Variants in LDAH observed in about 807,000 individuals in gnomAD.
The protein encoded by LDAH is lipid droplet associated hydrolase.
A neutral mutation model predicts 29.6 loss-of-function variants in LDAH; 26 were observed. The ratio of observed to expected loss-of-function variants is 0.88; its 90% CI spans 0.64 to 1.22. The LOEUF is 1.22. Ranked by LOEUF, LDAH falls within the 50% of genes most tolerant of loss-of-function variation. The pLI is 0.00. For missense variants in LDAH, 344 were observed against 387.3 expected (o/e 0.89, Z 0.94); for synonymous variants, 117 against 133.0 (o/e 0.88, Z 0.83).
intron 4 of LDAH, among the ~76,000 whole-genome samples, chr2:20,765,552 T>G (rs770557817): frequency 1.3e-5 from 2 of 152,228 alleles, no homozygotes; most frequent in Non-Finnish European, 2.9e-5. Context: ...TTTTGCTTTC[T>G]CACAATTCTG....
chr2:20,712,951 T>C (rs1480296971), intron 5 of LDAH, among the ~76,000 whole-genome samples: 1 of 152,170 alleles, frequency 6.6e-6, no homozygotes, highest in African/African-American at 2.4e-5. Flanking sequence ...TGAAACCAAG[T>C]TGGAAAACAG....
Position 20,690,368 on chromosome 2 carries a change from G to A in LDAH, c.787-3274C>T, listed in dbSNP as rs146441122. On this transcript the variant is annotated intron_variant, in intron 6 of 6. Coordinates refer to ENST00000237822, the MANE Select transcript of LDAH (RefSeq NM_021925.4). Reference sequence around the variant, plus strand: ...GTATGCTTATCTGATTTTATTTCTCGATTCTCTACAATCCTTAAACGTTTG... The same window carrying A: ...GTATGCTTATCTGATTTTATTTCTCAATTCTCTACAATCCTTAAACGTTTG... Among the ~76,000 whole-genome samples, 398 of 152,306 alleles carry A rather than the reference G, an allele frequency of 2.6e-3. 1 individual carries two copies. The highest frequency in any genetic ancestry group is 9.1e-3 in the African/African-American group (377 of 41,570).
At position 20,816,611 on chromosome 2, in the gene LDAH, C is replaced by T. The variant is rs560524849; in HGVS notation, c.-3+6426G>A. On this transcript the variant is annotated intron_variant, in intron 1 of 6. Transcript: ENST00000237822. ...TAACATGAAGCCAAAACCAACAGAG[C>T]TCAAAGGAAAAACAGAGACATCCAT... Among the ~76,000 whole-genome samples, 95 of 151,836 alleles carry T rather than the reference C, an allele frequency of 6.3e-4. 2 individuals carry two copies. In the South Asian group the frequency reaches 0.019, roughly 30 times the overall value.
At chr2:20,691,265 C>T (rs952186416) in intron 6 of LDAH, among the ~76,000 whole-genome samples, 7 of 152,164 alleles carry the variant, frequency 4.6e-5, no homozygotes, top group Non-Finnish European at 1.0e-4. Context: ...GCCTTGACCT[C>T]CCGAGCTCAA....
intron 5 of LDAH, among the ~76,000 whole-genome samples, chr2:20,715,189 A>G (rs1031164064): frequency 6.6e-6 from 1 of 152,224 alleles, no homozygotes; most frequent in Non-Finnish European, 1.5e-5. Flanking sequence ...TCCACGATCA[A>G]GTTGGCTTCA....
Position 20,698,047 on chromosome 2 carries a change from C to T in LDAH, c.786+3523G>A, listed in dbSNP as rs1663623277. Among the ~76,000 whole-genome samples, 2 of 152,134 alleles carry T rather than the reference C, an allele frequency of 1.3e-5. No individual in the cohort carries two copies. ...AATCTTGTGTATTTTATGCACTTAA[C>T]ATCATTGTGAGTAGAATCCAAAAGC... On this transcript the variant is annotated intron_variant, in intron 6 of 6. Transcript: ENST00000237822. This position sits in a 1 kb window ranked among gnomAD's most constrained non-coding sequence, Gnocchi z 4.4.
At chr2:20,738,187 G>T (rs1423743952) in intron 5 of LDAH, among the ~76,000 whole-genome samples, 3 of 151,432 alleles carry the variant, frequency 2.0e-5, no homozygotes, top group African/African-American at 7.3e-5. Flanking sequence ...GGGAAGCGGA[G>T]GTTGCAGTGA....
chr2:20,756,938 T>A (rs1219267164), intron 4 of LDAH, among the ~76,000 whole-genome samples: 1 of 152,196 alleles, frequency 6.6e-6, no homozygotes, highest in East Asian at 1.9e-4. Flanking sequence ...AAACTTGAAA[T>A]GACATACTTC....
chr2:20,704,691 T>C (rs978721322), intron 5 of LDAH, among the ~76,000 whole-genome samples: 1 of 152,194 alleles, frequency 6.6e-6, no homozygotes, highest in Non-Finnish European at 1.5e-5. Context: ...TGCCTGTCCT[T>C]TCTTCTCCTC....
At chr2:20,793,833 T>G (rs772902666) in intron 2 of LDAH, among the ~76,000 whole-genome samples, 1 of 152,116 alleles carries the variant, frequency 6.6e-6, no homozygotes, top group Non-Finnish European at 1.5e-5. Context: ...ATAACCTAAA[T>G]AGCCCTAAAT....
At chr2:20,775,244 G>C (rs1669728228) in intron 3 of LDAH, among the ~76,000 whole-genome samples, 1 of 152,180 alleles carries the variant, frequency 6.6e-6, no homozygotes, top group Non-Finnish European at 1.5e-5. Context: ...CTTATTAAGT[G>C]GGAGAGGTGA....
intron 5 of LDAH, among the ~76,000 whole-genome samples, chr2:20,718,639 G>T (rs1665419051): frequency 6.6e-6 from 1 of 152,112 alleles, no homozygotes; most frequent in Non-Finnish European, 1.5e-5. Flanking sequence ...AAACATTGCA[G>T]TTAAACTATA....
At chr2:20,704,691 T>G (rs978721322) in intron 5 of LDAH, among the ~76,000 whole-genome samples, 1 of 152,194 alleles carries the variant, frequency 6.6e-6, no homozygotes, top group Non-Finnish European at 1.5e-5. Context: ...TGCCTGTCCT[T>G]TCTTCTCCTC....
chr2:20,818,299 A>G (rs1339362539), intron 1 of LDAH, among the ~76,000 whole-genome samples: 1 of 152,130 alleles, frequency 6.6e-6, no homozygotes, highest in Non-Finnish European at 1.5e-5. Flanking sequence ...AAAGTTATTA[A>G]TAATTATATA....
chr2:20,818,356 T>C (rs533985699), intron 1 of LDAH, among the ~76,000 whole-genome samples: 3 of 152,268 alleles, frequency 2.0e-5, no homozygotes, highest in South Asian at 2.1e-4. Context: ...AAGGGGAAAA[T>C]TGGGAATCTT....
At chr2:20,788,652 A>C (rs1670726861) in intron 3 of LDAH, among the ~76,000 whole-genome samples, 2 of 152,284 alleles carry the variant, frequency 1.3e-5, no homozygotes, top group East Asian at 3.9e-4. Context: ...AGAGACGTAC[A>C]AGAACCAGAA....
intron 5 of LDAH, among the ~76,000 whole-genome samples, chr2:20,735,035 T>G (rs1182910274): frequency 6.6e-6 from 1 of 152,220 alleles, no homozygotes; most frequent in East Asian, 1.9e-4. Flanking sequence ...CGCTTTGCTC[T>G]TCTGGCTGCT....
chr2:20,759,934 C>T (rs1003555404), intron 4 of LDAH, among the ~76,000 whole-genome samples: 2 of 152,186 alleles, frequency 1.3e-5, no homozygotes, highest in Non-Finnish European at 2.9e-5. Context: ...CCACTATTAA[C>T]CTCTTGGTCA....
intron 5 of LDAH, among the ~76,000 whole-genome samples, chr2:20,731,491 C>T (rs1666405590): frequency 6.6e-6 from 1 of 152,136 alleles, no homozygotes; most frequent in African/African-American, 2.4e-5. Flanking sequence ...CCAATTAAAC[C>T]TCTTTTCTTT....
Sources: allele counts gnomAD v4.1 joint callset (sites outside exome capture counted in the v4.1 genomes callset), GRCh38; gene constraint gnomAD v4.1.1; non-coding constraint Gnocchi (gnomAD v3.1); transcripts MANE v1.5; gene names NCBI Gene and HGNC (gene_info 2026-07-23, HGNC 2026-07-21).